Variants in CELF4 observed in about 807,000 individuals in gnomAD.
CELF4 encodes CUGBP Elav-like family member 4, also known as CUG-BP- and ETR-3-like factor 4.
In CELF4, 18 loss-of-function variants were observed where a neutral mutation model predicts 59.9. That is an observed-to-expected ratio of 0.30 (90% CI 0.21 to 0.45). The LOEUF is 0.45. Ranked by LOEUF, CELF4 falls within the 20% of genes least tolerant of loss-of-function variation. CELF4 has a pLI of 1.00. For synonymous variants in CELF4, 261 were observed against 267.1 expected (o/e 0.98, Z 0.22); for missense variants, 456 against 689.0 (o/e 0.66, Z 3.79).
Position 37,323,217 on chromosome 18 carries a change from G to A in CELF4, c.370-1336C>T, listed in dbSNP as rs953113579. 3.9e-5 allele frequency among the ~76,000 whole-genome samples: 6 copies of A among 152,152 alleles called. 1 individual carries two copies. The highest frequency in any genetic ancestry group is 1.4e-4 in the African/African-American group (6 of 41,508). ...CAGAGATGGGAGGCAGGACGCAGCCGACAAGGAAGGAGGCACAGGTAGCCA... is the reference window on the plus strand; with the variant it reads ...CAGAGATGGGAGGCAGGACGCAGCCAACAAGGAAGGAGGCACAGGTAGCCA... On this transcript the variant is annotated intron_variant, in intron 2 of 12. Coordinates refer to ENST00000420428, the MANE Select transcript of CELF4 (RefSeq NM_020180.4).
At chr18:37,538,105 C>A (rs1257587940) in intron 1 of CELF4, among the ~76,000 whole-genome samples, 2 of 152,224 alleles carry the variant, frequency 1.3e-5, no homozygotes, top group East Asian at 3.9e-4. Context: ...CCGCATCGGG[C>A]GGACCTTCCG....
chr18:37,408,961 T>C (rs2099411859), intron 2 of CELF4, among the ~76,000 whole-genome samples: 1 of 152,188 alleles, frequency 6.6e-6, no homozygotes, highest in Non-Finnish European at 1.5e-5. Context: ...GAAAGGTCTG[T>C]CAATTCATCA....
At chr18:37,557,427 G>A (rs984494998) in intron 1 of CELF4, among the ~76,000 whole-genome samples, 4 of 152,188 alleles carry the variant, frequency 2.6e-5, no homozygotes, top group African/African-American at 7.2e-5. Context: ...TGTGCAGAAA[G>A]GATTTTTTGT....
chr18:37,533,157 A>G (rs2099970862), intron 1 of CELF4, among the ~76,000 whole-genome samples: 1 of 152,236 alleles, frequency 6.6e-6, no homozygotes, highest in African/African-American at 2.4e-5. Flanking sequence ...CTGCGGGTAC[A>G]CGGCTGCTTA....
chr18:37,309,445 G>A (rs2096565487), intron 3 of CELF4, among the ~76,000 whole-genome samples: 1 of 152,150 alleles, frequency 6.6e-6, no homozygotes, highest in African/African-American at 2.4e-5. Flanking sequence ...GGCCCCACTG[G>A]CTCTATTTAC....
At chr18:37,470,694 A>G (rs1275225193) in intron 2 of CELF4, among the ~76,000 whole-genome samples, 2 of 152,152 alleles carry the variant, frequency 1.3e-5, no homozygotes, top group African/African-American at 4.8e-5. Context: ...TTCTAGCCCA[A>G]GAGGAGGAAT....
intron 2 of CELF4, among the ~76,000 whole-genome samples, chr18:37,453,436 T>C (rs561681123): frequency 3.3e-5 from 5 of 152,232 alleles, no homozygotes; most frequent in Admixed American, 3.3e-4. Context: ...GAGGGGATTA[T>C]GAGTACTGAC....
intron 2 of CELF4, among the ~76,000 whole-genome samples, chr18:37,377,750 T>C (rs1222233846): frequency 1.3e-5 from 2 of 152,164 alleles, no homozygotes; most frequent in Non-Finnish European, 2.9e-5. Flanking sequence ...AGGACCCTTC[T>C]CTAGAGTGTG....
rs60532435 is a variant in CELF4, at chr18:37,338,759, CGTGTGTGTGTGT to C, written c.370-16890_370-16879del. 6.7e-4 allele frequency among the ~76,000 whole-genome samples: 98 copies of C among 145,660 alleles called. 1 individual carries two copies. The highest frequency in any genetic ancestry group is 2.2e-3 in the African/African-American group (87 of 39,612). ...TTAATGGACTTGAAAATGCAGGAGC[CGTGTGTGTGTGT>C]GTGTGTGTGTGTGTGTGTGTGTGGT... On this transcript the variant is annotated intron_variant, in intron 2 of 12. Coordinates refer to ENST00000420428, the MANE Select transcript of CELF4 (RefSeq NM_020180.4).
At chr18:37,443,913 T>C (rs1049808718) in intron 2 of CELF4, among the ~76,000 whole-genome samples, 1 of 152,176 alleles carries the variant, frequency 6.6e-6, no homozygotes, top group African/African-American at 2.4e-5. Flanking sequence ...AGCTCTAAAA[T>C]AGATGCTAAA....
chr18:37,359,692 G>A (rs2098669027), intron 2 of CELF4, among the ~76,000 whole-genome samples: 1 of 152,180 alleles, frequency 6.6e-6, no homozygotes, highest in African/African-American at 2.4e-5. Context: ...GGGACTACAG[G>A]CACGTGCCAA....
intron 2 of CELF4, among the ~76,000 whole-genome samples, chr18:37,396,909 A>G (rs1448472690): frequency 6.6e-6 from 1 of 152,080 alleles, no homozygotes; most frequent in Non-Finnish European, 1.5e-5. Flanking sequence ...CACCCTGCTC[A>G]TATCTTTTGT....
At chr18:37,311,849 T>C (rs1247925) in intron 3 of CELF4, among the ~76,000 whole-genome samples, 79,276 of 146,288 alleles carry the variant, frequency 0.54, 21,724 homozygotes, top group African/African-American at 0.66. Context: ...CGGTGGCTTA[T>C]GCCTATAATC....
chr18:37,530,905 A>C (rs1038632291), intron 1 of CELF4, among the ~76,000 whole-genome samples: 16 of 152,086 alleles, frequency 1.1e-4, no homozygotes, highest in African/African-American at 3.9e-4. Flanking sequence ...GGATTAGAAA[A>C]AAAAAAAAAG....
At chr18:37,370,783 C>A (rs1010991657) in intron 2 of CELF4, among the ~76,000 whole-genome samples, 2 of 152,174 alleles carry the variant, frequency 1.3e-5, no homozygotes, top group East Asian at 1.9e-4. Context: ...CCAAATGTCA[C>A]GTGTCAATCA....
chr18:37,296,548 C>T (rs1252136196), intron 3 of CELF4, among the ~76,000 whole-genome samples: 2 of 152,104 alleles, frequency 1.3e-5, no homozygotes, highest in African/African-American at 2.4e-5. Context: ...CAAACCAGGA[C>T]CCTCAGGACC....
intron 3 of CELF4, among the ~76,000 whole-genome samples, chr18:37,313,516 A>G (rs896790481): frequency 6.6e-6 from 1 of 152,156 alleles, no homozygotes; most frequent in Non-Finnish European, 1.5e-5. Flanking sequence ...GGGAGAGAAT[A>G]GCTAGAAGAT....
At chr18:37,332,487 T>C (rs796621171) in intron 2 of CELF4, among the ~76,000 whole-genome samples, 7 of 151,980 alleles carry the variant, frequency 4.6e-5, no homozygotes, top group African/African-American at 1.7e-4. Flanking sequence ...TGCTCCTCCT[T>C]CTCTCTGCTC....
intron 1 of CELF4, among the ~76,000 whole-genome samples, chr18:37,554,472 T>C (rs2099984188): frequency 6.6e-6 from 1 of 152,066 alleles, no homozygotes; most frequent in Non-Finnish European, 1.5e-5. Flanking sequence ...AGCAGCCCCA[T>C]CTCCCATTCC....
Sources: gnomAD v4.1 joint callset for allele counts (sites outside exome capture counted in the v4.1 genomes callset) on GRCh38, gnomAD v4.1.1 for gene constraint, MANE v1.5 for transcripts, NCBI Gene and HGNC (gene_info 2026-07-23, HGNC 2026-07-21) for gene names.